CHSY3: variants seen among roughly 807,000 people sequenced by gnomAD.
CHSY3 encodes chondroitin sulfate synthase 3.
A neutral mutation model predicts 67.2 loss-of-function variants in CHSY3; 35 were observed. The ratio of observed to expected loss-of-function variants is 0.52; its 90% confidence interval spans 0.40 to 0.69. CHSY3 has a LOEUF of 0.69. Ranked by LOEUF, CHSY3 falls within the 30% of genes least tolerant of loss-of-function variation. The pLI is 0.00. For synonymous variants in CHSY3, 474 were observed against 434.7 expected, an observed-to-expected ratio of 1.09 and a Z score of -1.12; for missense variants, 1,069 against 1,138.5, an observed-to-expected ratio of 0.94 and a Z score of 0.88.
At chr5:129,923,862 T>G (rs543964052) in intron 2 of CHSY3, among the ~76,000 whole-genome samples, 11 of 152,378 alleles carry the variant, frequency 7.2e-5, no homozygotes, top group South Asian at 4.1e-4. Flanking sequence ...AAGGATCATC[T>G]AGCTGAATAA....
At chr5:129,951,578 A>G (rs995807949) in intron 2 of CHSY3, among the ~76,000 whole-genome samples, 1 of 152,210 alleles carries the variant, frequency 6.6e-6, no homozygotes, top group Non-Finnish European at 1.5e-5. Context: ...AACACATGTC[A>G]TCTTTCTCCC....
At chr5:130,143,925 T>A (rs935400518) in intron 2 of CHSY3, among the ~76,000 whole-genome samples, 4 of 147,734 alleles carry the variant, frequency 2.7e-5, no homozygotes, top group East Asian at 4.0e-4. Flanking sequence ...ACTAACTGCA[T>A]ATGAAAGTAA....
At chr5:130,018,146 T>C (rs899460528) in intron 2 of CHSY3, among the ~76,000 whole-genome samples, 1 of 152,196 alleles carries the variant, frequency 6.6e-6, no homozygotes, top group Non-Finnish European at 1.5e-5. Context: ...GAGAATGTGA[T>C]TTCACATTCT....
At chr5:129,938,558 G>C (rs1580554625) in intron 2 of CHSY3, among the ~76,000 whole-genome samples, 1 of 152,178 alleles carries the variant, frequency 6.6e-6, no homozygotes, top group South Asian at 2.1e-4. Context: ...GAAGCAGCCA[G>C]GCCACATCGT....
At chr5:129,908,048 CAT>C in intron 1 of CHSY3, 27 bp from the exon 2 acceptor site, 3 of 1,600,102 alleles carry the variant, frequency 1.9e-6, no homozygotes, top group Non-Finnish European at 2.6e-6. Context: ...AATAAGGAGA[CAT>C]AGTAATTGTT....
chr5:129,940,692 T>C (rs1202767556), intron 2 of CHSY3, among the ~76,000 whole-genome samples: 7 of 152,082 alleles, frequency 4.6e-5, no homozygotes, highest in Admixed American at 4.6e-4. Context: ...TGTGTGTGTA[T>C]GCCGATGTAT....
At chr5:130,133,771 TAAA>T (rs758023976) in intron 2 of CHSY3, among the ~76,000 whole-genome samples, 123 of 58,100 alleles carry the variant, frequency 2.1e-3, no homozygotes, top group African/African-American at 8.6e-3. Flanking sequence ...GACTCCGTCT[TAAA>T]AAAAAAAAAA....
At chr5:129,913,101 A>G (rs533085338) in intron 2 of CHSY3, among the ~76,000 whole-genome samples, 39 of 152,322 alleles carry the variant, frequency 2.6e-4, no homozygotes, top group African/African-American at 8.7e-4. Context: ...GAGGCTGCAT[A>G]TGGCTCTTAA....
chr5:130,123,343 C>T (rs1273000088), intron 2 of CHSY3, among the ~76,000 whole-genome samples: 5 of 152,064 alleles, frequency 3.3e-5, no homozygotes, highest in Non-Finnish European at 7.4e-5. Flanking sequence ...GGCACCAGGG[C>T]CCAGTTTTAT....
At chr5:130,137,538 T>A (rs1166725457) in intron 2 of CHSY3, among the ~76,000 whole-genome samples, 1 of 152,214 alleles carries the variant, frequency 6.6e-6, no homozygotes, top group Non-Finnish European at 1.5e-5. Flanking sequence ...ATTGAGGGTA[T>A]GTCAGAAATG....
intron 2 of CHSY3, among the ~76,000 whole-genome samples, chr5:129,924,746 T>C (rs1761043077): frequency 6.6e-6 from 1 of 152,112 alleles, no homozygotes; most frequent in Admixed American, 6.5e-5. Flanking sequence ...CTGCCTAGCA[T>C]TTCAAACCAA....
At chr5:129,944,995 T>G (rs558130162) in intron 2 of CHSY3, among the ~76,000 whole-genome samples, 1 of 152,340 alleles carries the variant, frequency 6.6e-6, no homozygotes, top group East Asian at 1.9e-4. Context: ...TATGATAATT[T>G]TAGAACACTT....
At chr5:129,960,783 A>G (rs982081551) in intron 2 of CHSY3, among the ~76,000 whole-genome samples, 11 of 152,056 alleles carry the variant, frequency 7.2e-5, no homozygotes, top group African/African-American at 2.7e-4. Context: ...TTCCTGCAAA[A>G]TTAACAGATT....
At chr5:130,047,401 C>T (rs1197247983) in intron 2 of CHSY3, among the ~76,000 whole-genome samples, 1 of 151,950 alleles carries the variant, frequency 6.6e-6, no homozygotes, top group East Asian at 1.9e-4. Flanking sequence ...AGACAGGGCA[C>T]CCAGCCACAG....
At chr5:130,071,735 T>C (rs968074808) in intron 2 of CHSY3, among the ~76,000 whole-genome samples, 14 of 152,080 alleles carry the variant, frequency 9.2e-5, no homozygotes, top group African/African-American at 3.4e-4. Flanking sequence ...TACTCAGAAG[T>C]GGGACTGCTA....
At chr5:130,069,022 A>G (rs1765974554) in intron 2 of CHSY3, among the ~76,000 whole-genome samples, 1 of 152,118 alleles carries the variant, frequency 6.6e-6, no homozygotes, top group Non-Finnish European at 1.5e-5. Context: ...ACATCTTGTC[A>G]TAGAAAATCC....
At chr5:130,157,140 A>G (rs1769394664) in intron 2 of CHSY3, among the ~76,000 whole-genome samples, 1 of 152,170 alleles carries the variant, frequency 6.6e-6, no homozygotes, top group African/African-American at 2.4e-5. Context: ...CATTGTTATC[A>G]ATGACTCAGG....
rs989902666 is a variant in CHSY3, at chr5:130,175,032, C to T, written c.1087-9197C>T. On this transcript the variant is annotated intron_variant, in intron 2 of 2. Coordinates refer to ENST00000305031, the MANE Select transcript of CHSY3 (RefSeq NM_175856.5). ...TATTGTATGGGAATCTAAGTCTCTC[C>T]GTAGGTCTCTAAGAACTTGCTTTAT... Among the ~76,000 whole-genome samples, 6 of 152,060 alleles carry T rather than the reference C, an allele frequency of 3.9e-5. No homozygotes were observed. In the South Asian group the frequency reaches 6.2e-4, roughly 16 times the overall value.
intron 2 of CHSY3, among the ~76,000 whole-genome samples, chr5:130,089,917 A>C (rs1387251050): frequency 2.0e-5 from 3 of 152,190 alleles, no homozygotes; most frequent in Admixed American, 1.3e-4. Context: ...TTGTTCATCC[A>C]ATATTTACAC....
Sources: allele counts gnomAD v4.1 joint callset (sites outside exome capture counted in the v4.1 genomes callset), GRCh38; gene constraint gnomAD v4.1.1; transcripts MANE v1.5; gene names NCBI Gene and HGNC (gene_info 2026-07-23, HGNC 2026-07-21).